NIPBL: variants seen among roughly 807,000 people sequenced by gnomAD.
NIPBL encodes the protein NIPBL cohesin loading factor.
Under a neutral mutation model 321.8 loss-of-function variants are expected in NIPBL, and 19 were observed. That is an observed-to-expected ratio of 0.06 (90% CI 0.04 to 0.09). The LOEUF (loss-of-function observed/expected upper bound fraction) is 0.09, where lower values mean the gene tolerates loss of function less well. NIPBL is among the 10% of genes least tolerant of loss of function. The pLI is 1.00. For synonymous variants in NIPBL, 1,106 were observed against 1,114.1 expected, an observed-to-expected ratio of 0.99 and a Z score of 0.14; for missense variants, 2,210 against 3,327.0, an observed-to-expected ratio of 0.66 and a Z score of 8.26.
intron 1 of NIPBL, among the ~76,000 whole-genome samples, chr5:36,952,053 T>TGTGTGTGTGCGCGCGC (rs778597604): frequency 3.8e-4 from 43 of 112,208 alleles, no homozygotes; most frequent in East Asian, 1.1e-3. Context: ...TGTGTGTGTG[T>TGTGTGTGTGCGCGCGC]GCGCGCGCGC....
At chr5:36,893,038 A>T (rs758083420) in intron 1 of NIPBL, among the ~76,000 whole-genome samples, 1 of 152,200 alleles carries the variant, frequency 6.6e-6, no homozygotes, top group Non-Finnish European at 1.5e-5. Context: ...TAGTATATTG[A>T]CTATATTCTT....
At chr5:37,037,485 G>A (rs1751838052) in intron 33 of NIPBL, among the ~76,000 whole-genome samples, 1 of 149,480 alleles carries the variant, frequency 6.7e-6, no homozygotes, top group East Asian at 1.9e-4. Flanking sequence ...ACAAAGACTA[G>A]CATTACTTCC....
At chr5:37,027,718 A>G (rs1269134332) in intron 32 of NIPBL, among the ~76,000 whole-genome samples, 2 of 144,956 alleles carry the variant, frequency 1.4e-5, no homozygotes, top group Non-Finnish European at 3.0e-5. Flanking sequence ...TCCTGGGTTC[A>G]AGCAATTCTC....
chr5:36,924,869 G>C (rs1749230683), intron 1 of NIPBL, among the ~76,000 whole-genome samples: 1 of 152,004 alleles, frequency 6.6e-6, no homozygotes, highest in Non-Finnish European at 1.5e-5. Flanking sequence ...ATAATTCCTG[G>C]GGGCCTCTAT....
At chr5:36,913,700 G>A (rs1561378806) in intron 1 of NIPBL, among the ~76,000 whole-genome samples, 1 of 151,986 alleles carries the variant, frequency 6.6e-6, no homozygotes, top group East Asian at 1.9e-4. Flanking sequence ...TTTTGCATGT[G>A]GTAGCATATT....
intron 30 of NIPBL, among the ~76,000 whole-genome samples, chr5:37,025,139 G>C (rs1750111226): frequency 6.6e-6 from 1 of 152,108 alleles, no homozygotes; most frequent in Non-Finnish European, 1.5e-5. Flanking sequence ...TATAGTTCCA[G>C]CTACTCTAGA....
intron 1 of NIPBL, among the ~76,000 whole-genome samples, chr5:36,901,654 C>T (rs542947427): frequency 6.6e-6 from 1 of 151,952 alleles, no homozygotes; most frequent in East Asian, 1.9e-4. Flanking sequence ...GGATTACAGG[C>T]GTGCACCACC....
At chr5:36,980,839 G>A (rs1744056880) in intron 9 of NIPBL, among the ~76,000 whole-genome samples, 1 of 151,530 alleles carries the variant, frequency 6.6e-6, no homozygotes, top group African/African-American at 2.4e-5. Flanking sequence ...TTTGAACTTG[G>A]CATATTGCAT....
At chr5:37,002,837 T>C (rs1746974828) in intron 15 of NIPBL, 72 bp downstream of exon 15, 3 of 899,502 alleles carry the variant, frequency 3.3e-6, no homozygotes, top group Admixed American at 2.1e-5. Flanking sequence ...GTTTTCAGGG[T>C]AAATTATAAA....
Position 36,985,641 on chromosome 5 carries a change from A to G in NIPBL, c.2461A>G (p.Lys821Glu), listed in dbSNP as rs376990497. The change falls in exon 10 of 47, where the codon AAA becomes GAA. Residue 821 changes from lysine to glutamate, a missense_variant. By Grantham distance (56) the Lys-to-Glu change is moderately conservative. Coordinates refer to ENST00000282516, the MANE Select transcript of NIPBL (RefSeq NM_133433.4). ...GTCACTAAGACGTGACCATGATAAT[A>G]AACAAAAATCAGATGACAGGGGTGA... ...SESLRRDHDN[K>E]QKSDDRGESE... The G allele has an allele frequency of 4.3e-6, 7 of 1,613,988 alleles. No homozygotes were observed. The highest frequency in any genetic ancestry group is 3.3e-4 in the Middle Eastern group (2 of 6,062).
chr5:36,984,152 G>A (rs1461918136), intron 9 of NIPBL, among the ~76,000 whole-genome samples: 1 of 151,760 alleles, frequency 6.6e-6, no homozygotes, highest in Non-Finnish European at 1.5e-5. Flanking sequence ...TTTTCCCAAT[G>A]GCATGGTATA....
chr5:36,969,143 T>C (rs1742573959), intron 6 of NIPBL, among the ~76,000 whole-genome samples: 1 of 152,106 alleles, frequency 6.6e-6, no homozygotes, highest in South Asian at 2.1e-4. Context: ...TACAAAACTT[T>C]TGAAAGAGAT....
intron 34 of NIPBL, 68 bp from the exon 35 acceptor site, chr5:37,044,279 A>G: frequency 6.9e-7 from 1 of 1,454,476 alleles, no homozygotes; most frequent in African/African-American, 1.4e-5. Context: ...GCCCCCAAAT[A>G]CGTAAAGCTG....
chr5:37,042,825 C>CAA lies in NIPBL; in HGVS notation c.6109-1511_6109-1510dup, dbSNP rs1216799676. 2.3e-3 allele frequency among the ~76,000 whole-genome samples: 195 copies of CAA among 86,002 alleles called. 3 individuals carry two copies. The highest frequency in any genetic ancestry group is 8.3e-3 in the African/African-American group (190 of 22,888). 56.4% of individuals were successfully genotyped at this position (86,002 alleles called of 152,430 possible). A position where few individuals can be genotyped will look rare whatever the true frequency, so the allele number is the denominator to read the frequency against. The stretch of plus-strand genomic sequence containing the variant: ...TGGATGACAGAGCGAGACTCCGTCT[C>CAA]AAAAAAAAAAAAGAAAGGAAAAAAA... On this transcript the variant is annotated intron_variant, in intron 34 of 46. Transcript: ENST00000282516.
intron 1 of NIPBL, among the ~76,000 whole-genome samples, chr5:36,945,474 C>G (rs1453623171): frequency 6.6e-6 from 1 of 152,048 alleles, no homozygotes; most frequent in Admixed American, 6.6e-5. Context: ...ACTTTTCTTT[C>G]TCTGCATAAT....
chr5:36,996,730 G>C lies in NIPBL; in HGVS notation c.3304+926G>C. On this transcript the variant is annotated intron_variant, in intron 11 of 46. Coordinates refer to ENST00000282516, the MANE Select transcript of NIPBL (RefSeq NM_133433.4). This position sits in a 1 kb window ranked among gnomAD's most constrained non-coding sequence, Gnocchi z 5.0. Reference sequence around the variant, plus strand: ...GTGTGCCAACTGACTTAGTCATAATGACCAAAAGAAGTGGGAAGACCACCA... The same window carrying C: ...GTGTGCCAACTGACTTAGTCATAATCACCAAAAGAAGTGGGAAGACCACCA... 1 of 304,786 alleles carries C rather than the reference G, an allele frequency of 3.3e-6. No homozygotes were observed. Among genetic ancestry groups the C allele is most frequent in the South Asian group, 2.7e-5 (1 of 36,394 alleles). 18.9% of individuals were successfully genotyped at this position (304,786 alleles called of 1,614,324 possible). A position where few individuals can be genotyped will look rare whatever the true frequency, so the allele number is the denominator to read the frequency against.
chr5:36,916,041 G>A (rs1748433313), intron 1 of NIPBL, among the ~76,000 whole-genome samples: 2 of 152,196 alleles, frequency 1.3e-5, no homozygotes, highest in Admixed American at 6.5e-5. Context: ...TCACTCATTG[G>A]AAATGAACTG....
intron 1 of NIPBL, among the ~76,000 whole-genome samples, chr5:36,941,675 A>G (rs1028877288): frequency 6.6e-6 from 1 of 152,186 alleles, no homozygotes; most frequent in African/African-American, 2.4e-5. Flanking sequence ...TCTGGGATAT[A>G]TGGCTACTAC....
intron 32 of NIPBL, among the ~76,000 whole-genome samples, chr5:37,030,921 T>A (rs890728456): frequency 1.6e-5 from 1 of 62,120 alleles, no homozygotes; most frequent in African/African-American, 8.6e-5. Flanking sequence ...TGTTTAGCCT[T>A]TTTTTTTTTT....
Sources: gnomAD v4.1 joint callset for allele counts (sites outside exome capture counted in the v4.1 genomes callset) on GRCh38, gnomAD v4.1.1 for gene constraint, Gnocchi (gnomAD v3.1) non-coding constraint, MANE v1.5 for transcripts, NCBI Gene and HGNC (gene_info 2026-07-23, HGNC 2026-07-21) for gene names.